Variants in RAB31 observed in about 807,000 individuals in gnomAD.
RAB31 encodes the protein ras-related protein Rab-31.
RAB31 carries 21 observed loss-of-function variants against 25.6 expected under a neutral mutation model. That is an observed-to-expected ratio of 0.82 (90% confidence interval 0.58 to 1.18). RAB31 has a LOEUF of 1.18. Among genes scored for constraint, RAB31 ranks in the 50% most tolerant of loss-of-function variants. The pLI is 0.00. For synonymous variants in RAB31, 87 were observed against 84.0 expected (o/e 1.04, Z -0.20); for missense variants, 196 against 250.1 (o/e 0.78, Z 1.46).
At chr18:9,846,854 A>G (rs2068764565) in intron 6 of RAB31, among the ~76,000 whole-genome samples, 2 of 152,232 alleles carry the variant, frequency 1.3e-5, no homozygotes, top group Non-Finnish European at 2.9e-5. Flanking sequence ...ATGCAGAGAT[A>G]TGCAAAAGAA....
chr18:9,791,635 C>T (rs766652935), intron 2 of RAB31, among the ~76,000 whole-genome samples: 6 of 151,686 alleles, frequency 4.0e-5, no homozygotes, highest in Non-Finnish European at 7.4e-5. Context: ...ATACTGTCAC[C>T]TGGGCTGGAG....
In RAB31 at chr18:9,769,944, T is replaced by C. The variant is rs1435547183; in HGVS notation, c.40-5334T>C. On this transcript the variant is annotated intron_variant, in intron 1 of 6. Transcript: ENST00000578921. Reference sequence around the variant, plus strand: ...TTTTCTGCATCTATTGAGATAATCATGTCATGTAGTTTTTGTGATTGGTTT... The same window carrying C: ...TTTTCTGCATCTATTGAGATAATCACGTCATGTAGTTTTTGTGATTGGTTT... 2.6e-5 allele frequency among the ~76,000 whole-genome samples: 4 copies of C among 152,350 alleles called. No homozygotes were observed. The Middle Eastern group carries it at 0.01, about 389-fold the overall frequency.
intron 1 of RAB31, among the ~76,000 whole-genome samples, chr18:9,726,654 G>A (rs981250070): frequency 6.6e-6 from 1 of 152,078 alleles, no homozygotes; most frequent in East Asian, 1.9e-4. Context: ...ACTTTGCTAC[G>A]GGGTCTGGCA....
rs188353616 is a variant in RAB31, at chr18:9,835,911, A to C, written c.381-9671A>C. 3.3e-4 allele frequency among the ~76,000 whole-genome samples: 50 copies of C among 152,242 alleles called. No homozygotes were observed. In the East Asian group the frequency reaches 9.5e-3, roughly 29 times the overall value. ...AAATATGAGCTAGGGGGAGCATAACAAACTCTGATTATTCATTTCAGTGGG... is the reference window on the plus strand; with the variant it reads ...AAATATGAGCTAGGGGGAGCATAACCAACTCTGATTATTCATTTCAGTGGG... On this transcript the variant is annotated intron_variant, in intron 5 of 6. Transcript: ENST00000578921.
In RAB31 at chr18:9,815,143, G is replaced by A. The variant is rs376887395; in HGVS notation, c.301G>A (p.Val101Ile). ...QDSFYTLKKW[V>I]KELKEHGPEN... Reference sequence around the variant, plus strand: ...TTCATTTTATACCTTGAAGAAATGGGTCAAGGAGCTGAAAGAACATGGTCC... The same window carrying A: ...TTCATTTTATACCTTGAAGAAATGGATCAAGGAGCTGAAAGAACATGGTCC... The change falls in exon 5 of 7, where the codon GTC becomes ATC. Residue 101 changes from valine (V) to isoleucine (I), a missense_variant. By Grantham distance (29) the Val-to-Ile change is conservative. Transcript: ENST00000578921. The A allele has an allele frequency of 3.9e-6, 6 of 1,554,328 alleles. No homozygotes were observed. Among genetic ancestry groups the A allele is most frequent in the Middle Eastern group, 3.3e-4 (2 of 6,022 alleles).
At chr18:9,790,039 A>G (rs2068452396) in intron 2 of RAB31, among the ~76,000 whole-genome samples, 1 of 152,170 alleles carries the variant, frequency 6.6e-6, no homozygotes, top group Admixed American at 6.6e-5. Flanking sequence ...CTAGTTGACC[A>G]GGCTGGACTA....
intron 2 of RAB31, among the ~76,000 whole-genome samples, chr18:9,789,662 T>C (rs1336164196): frequency 2.6e-5 from 4 of 152,234 alleles, no homozygotes; most frequent in African/African-American, 4.8e-5. Flanking sequence ...TTATTTTCTT[T>C]CTGGTTTTTT....
chr18:9,827,828 CTG>C (rs1302184651), intron 5 of RAB31, among the ~76,000 whole-genome samples: 5 of 152,196 alleles, frequency 3.3e-5, no homozygotes, highest in African/African-American at 7.2e-5. Context: ...AGAAAAGAGA[CTG>C]TCTTTTCCTT....
rs1455373792 is a variant in RAB31, at chr18:9,860,143, T to G, written c.*818T>G. On this transcript the variant is annotated 3_prime_UTR_variant, in exon 7 of 7. Transcript: ENST00000578921. Reference sequence around the variant, plus strand: ...CTCCTCCGCAGGAATACATTCGTCCTCTCTTAGAGAAGTTTAACGCACATA... The same window carrying G: ...CTCCTCCGCAGGAATACATTCGTCCGCTCTTAGAGAAGTTTAACGCACATA... 1 of 152,222 alleles carries G rather than the reference T, an allele frequency of 6.6e-6. No individual in the cohort carries two copies. The highest frequency in any genetic ancestry group is 1.9e-4 in the East Asian group (1 of 5,194). 9.4% of individuals were successfully genotyped at this position (152,222 alleles called of 1,614,324 possible).
intron 1 of RAB31, among the ~76,000 whole-genome samples, chr18:9,710,580 C>T (rs752123035): frequency 1.3e-5 from 2 of 152,116 alleles, no homozygotes; most frequent in Admixed American, 6.5e-5. Context: ...TGGCCGGTCG[C>T]GTTGGCTCAC....
intron 3 of RAB31, among the ~76,000 whole-genome samples, chr18:9,806,095 T>G (rs1309837927): frequency 6.7e-6 from 1 of 149,918 alleles, no homozygotes; most frequent in Non-Finnish European, 1.5e-5. Flanking sequence ...GAGAATGGCG[T>G]GAACCCGGGA....
At chr18:9,722,245 T>G (rs12956502) in intron 1 of RAB31, among the ~76,000 whole-genome samples, 119,409 of 152,090 alleles carry the variant, frequency 0.79, 49,452 homozygotes, top group Non-Finnish European at 0.9. Flanking sequence ...ACTTAGCTTT[T>G]ATGAGATTGC....
intron 1 of RAB31, among the ~76,000 whole-genome samples, chr18:9,737,930 C>T (rs1179350334): frequency 2.0e-5 from 3 of 152,136 alleles, no homozygotes; most frequent in Non-Finnish European, 4.4e-5. Context: ...TTGTCTGCCC[C>T]CCACGCTAAC....
At chr18:9,757,769 G>C (rs980710818) in intron 1 of RAB31, among the ~76,000 whole-genome samples, 14 of 152,342 alleles carry the variant, frequency 9.2e-5, no homozygotes, top group South Asian at 4.1e-4. Flanking sequence ...TAGGGAGATA[G>C]AGCCACTGGG....
chr18:9,827,876 A>G (rs2068657787), intron 5 of RAB31, among the ~76,000 whole-genome samples: 1 of 152,176 alleles, frequency 6.6e-6, no homozygotes, highest in Admixed American at 6.5e-5. Context: ...TGGGCAGCCA[A>G]GAAAGGGGGT....
At position 9,841,851 on chromosome 18, in the gene RAB31, G is replaced by T. The variant is rs142415854; in HGVS notation, c.381-3731G>T. Among the ~76,000 whole-genome samples, 391 of 152,286 alleles carry T rather than the reference G, an allele frequency of 2.6e-3. 2 individuals are homozygous for T. Among genetic ancestry groups the T allele is most frequent in the African/African-American group, 8.6e-3 (358 of 41,554 alleles). On this transcript the variant is annotated intron_variant, in intron 5 of 6. Coordinates refer to ENST00000578921, the MANE Select transcript of RAB31 (RefSeq NM_006868.4). ...CCATGGCTACTGAAGATTTCAGCTG[G>T]CCTATTTGGGAAATTGGCTGTTACC...
chr18:9,843,543 C>CAA (rs11291478), intron 5 of RAB31, among the ~76,000 whole-genome samples: 5 of 68,386 alleles, frequency 7.3e-5, no homozygotes, highest in African/African-American at 1.2e-4. Flanking sequence ...AAGACACTGT[C>CAA]AAAAAAAAAA....
rs1044012021 is a variant in RAB31, at chr18:9,766,443, G to A, written c.40-8835G>A. Among the ~76,000 whole-genome samples, 9 of 152,206 alleles carry A rather than the reference G, an allele frequency of 5.9e-5. No individual in the cohort carries two copies. Among genetic ancestry groups the A allele is most frequent in the African/African-American group, 9.6e-5 (4 of 41,454 alleles). Reference sequence around the variant, plus strand: ...GCAGGCGGGGTGGGCTGAGGCGGGCGGGTGGGGTGTGTATGCTGGTGTCCC... The same window carrying A: ...GCAGGCGGGGTGGGCTGAGGCGGGCAGGTGGGGTGTGTATGCTGGTGTCCC... On this transcript the variant is annotated intron_variant, in intron 1 of 6. Transcript: ENST00000578921. This position sits in a 1 kb window ranked among gnomAD's most constrained non-coding sequence, Gnocchi z 4.3.
chr18:9,806,355 G>C (rs769548082), intron 3 of RAB31, among the ~76,000 whole-genome samples: 1 of 152,182 alleles, frequency 6.6e-6, no homozygotes, highest in African/African-American at 2.4e-5. Context: ...CTATGGTCCA[G>C]ATAGGGATTC....
Sources: allele counts gnomAD v4.1 joint callset (sites outside exome capture counted in the v4.1 genomes callset), GRCh38; gene constraint gnomAD v4.1.1; non-coding constraint Gnocchi (gnomAD v3.1); transcripts MANE v1.5; gene names NCBI Gene and HGNC (gene_info 2026-07-23, HGNC 2026-07-21).